Variants in MYBPC3 observed in about 807,000 individuals in gnomAD.
MYBPC3 encodes the protein myosin-binding protein C, cardiac-type.
In MYBPC3, 108 loss-of-function variants were observed where a neutral mutation model predicts 159.3. The observed-to-expected ratio is 0.68, with a 90% CI of 0.58 to 0.80. The LOEUF (loss-of-function observed/expected upper bound fraction) is 0.80. MYBPC3 is among the 30% of genes least tolerant of loss of function. The pLI is 0.00. For missense variants in MYBPC3, 1,631 were observed against 1,762.1 expected, an observed-to-expected ratio of 0.93 and a Z score of 1.33; for synonymous variants, 730 against 702.0, an observed-to-expected ratio of 1.04 and a Z score of -0.63.
At chr11:47,344,296 TC>T (rs2095892148) in intron 12 of MYBPC3, among the ~76,000 whole-genome samples, 1 of 152,082 alleles carries the variant, frequency 6.6e-6, no homozygotes, top group Non-Finnish European at 1.5e-5. Context: ...TCCCAGGCGC[TC>T]CCACCTAGCA....
intron 5 of MYBPC3, among the ~76,000 whole-genome samples, 196 bp downstream of exon 5, chr11:47,349,578 C>T (rs1460561435): frequency 6.6e-6 from 1 of 151,922 alleles, no homozygotes; most frequent in East Asian, 1.9e-4. Context: ...TGAGCCTCAT[C>T]GCACTCCCTG....
At position 47,342,703 on chromosome 11, in the gene MYBPC3, T is replaced by G. The variant is rs761672176; in HGVS notation, c.1499A>C (p.Lys500Thr). 2 of 1,614,006 alleles carry G rather than the reference T, an allele frequency of 1.2e-6. No individual in the cohort carries two copies. Among genetic ancestry groups the G allele is most frequent in the Admixed American group, 3.3e-5 (2 of 60,022 alleles). Residue 500 changes from lysine (K) to threonine (T), a missense_variant, in exon 17 of 35, where the codon AAA becomes ACA. By Grantham distance (78) the Lys-to-Thr change is moderately conservative. Coordinates refer to ENST00000545968, the MANE Select transcript of MYBPC3 (RefSeq NM_000256.3). ...GVELTREETF[K>T]YRFKKDGQRH... ...CTGCCCGTCCTTCTTGAACCGGTAT[T>G]TGAAGGTCTCCTCCCGGGTCAGCTC...
At position 47,348,553 on chromosome 11, in the gene MYBPC3, GA is replaced by G; in HGVS notation, c.655-13del. On this transcript the variant is annotated splice_polypyrimidine_tract_variant and intron_variant, in intron 5 of 34. Coordinates refer to ENST00000545968, the MANE Select transcript of MYBPC3 (RefSeq NM_000256.3). ...TCGAACAGATAGACCTGTGTGCATG[GA>G]GGGACGGGGCGTCAGGGGACACCAG... 2 of 1,600,702 alleles carry G rather than the reference GA, an allele frequency of 1.2e-6. No homozygotes were observed. The highest frequency in any genetic ancestry group is 1.7e-6 in the Non-Finnish European group (2 of 1,171,126).
At position 47,331,456 on chromosome 11, in the gene MYBPC3, A is replaced by C; in HGVS notation, c.*287T>G. The stretch of plus-strand genomic sequence containing the variant: ...TTTTATTGCCCAATAAACATTGGGA[A>C]GACATAGCAGGCCAGAAAGGCCTGT... On this transcript the variant is annotated 3_prime_UTR_variant, in exon 35 of 35. Transcript: ENST00000545968. 1 of 177,416 alleles carries C rather than the reference A, an allele frequency of 5.6e-6. No individual in the cohort carries two copies. The highest frequency in any genetic ancestry group is 1.2e-5 in the Non-Finnish European group (1 of 84,820). 11.0% of individuals were successfully genotyped at this position (177,416 alleles called of 1,614,324 possible).
rs752252090 is a variant in MYBPC3, at chr11:47,333,180, G to C, written c.3330+14C>G. Reference sequence around the variant, plus strand: ...AGGCAGGGTGCACGTGGGGACCCCAGACCCTGGGCTCACCATGGTCTTCTT... The same window carrying C: ...AGGCAGGGTGCACGTGGGGACCCCACACCCTGGGCTCACCATGGTCTTCTT... On this transcript the variant is annotated intron_variant, in intron 30 of 34. Coordinates refer to ENST00000545968, the MANE Select transcript of MYBPC3 (RefSeq NM_000256.3). 6.2e-7 allele frequency: 1 copy of C among 1,600,810 alleles called. No individual in the cohort carries two copies. The highest frequency in any genetic ancestry group is 8.5e-7 in the Non-Finnish European group (1 of 1,173,738).
In MYBPC3 at chr11:47,347,034, G is replaced by A. The variant is rs1300376347; in HGVS notation, c.906-5C>T. The A allele has an allele frequency of 2.5e-6, 2 of 805,852 alleles. No homozygotes were observed. The highest frequency in any genetic ancestry group is 2.7e-5 in the South Asian group (2 of 75,288). The allele number at this position is 805,852 out of a possible 1,614,324, so 49.9% of individuals were successfully genotyped here. ...CCAGACCCCGATTCTTACTCTCTGG[G>A]CCACAGCAGCAGCAGCCATAATGGA... On this transcript the variant is annotated splice_region_variant and splice_polypyrimidine_tract_variant and intron_variant, in intron 9 of 34. Coordinates refer to ENST00000545968, the MANE Select transcript of MYBPC3 (RefSeq NM_000256.3).
chr11:47,334,971 C>G, intron 27 of MYBPC3, 71 bp downstream of exon 27: 3 of 1,404,190 alleles, frequency 2.1e-6, no homozygotes, highest in Non-Finnish European at 2.8e-6. Flanking sequence ...CCAACTGTCC[C>G]CACCTCCACT....
rs1595843781 is a variant in MYBPC3 at position 47,337,584 on chromosome 11, C to G, written c.2414-5G>C. 3 of 1,613,986 alleles carry G rather than the reference C, an allele frequency of 1.9e-6. No individual in the cohort carries two copies. The highest frequency in any genetic ancestry group is 2.5e-6 in the Non-Finnish European group (3 of 1,179,888). ...TCTTGCGCTCCAGGATGTAGCCTGG[C>G]TCAGGGGAGGTGGCAGCTCTGGTCT... On this transcript the variant is annotated splice_polypyrimidine_tract_variant and splice_region_variant and intron_variant, in intron 24 of 34. Coordinates refer to ENST00000545968, the MANE Select transcript of MYBPC3 (RefSeq NM_000256.3).
chr11:47,350,976 G>C (rs926448434), intron 2 of MYBPC3, among the ~76,000 whole-genome samples: 1 of 152,204 alleles, frequency 6.6e-6, no homozygotes, highest in Non-Finnish European at 1.5e-5. Flanking sequence ...TCTCCCCAGG[G>C]AGGTCTGCAG....
chr11:47,342,785 G>A, intron 16 of MYBPC3, 41 bp from the exon 17 acceptor site: 7 of 1,612,652 alleles, frequency 4.3e-6, no homozygotes, highest in Non-Finnish European at 5.9e-6. Context: ...GGCCTCTTCT[G>A]GGCAGATGCC....
rs1003180629 is a variant in MYBPC3 at position 47,331,611 on chromosome 11, C to T, written c.*132G>A. 9.5e-6 allele frequency: 5 copies of T among 524,214 alleles called. No homozygotes were observed. Among genetic ancestry groups the T allele is most frequent in the African/African-American group, 1.9e-5 (1 of 52,366 alleles). The allele number at this position is 524,214 out of a possible 1,614,324, so 32.5% of individuals were successfully genotyped here. A position where few individuals can be genotyped will look rare whatever the true frequency, so the allele number is the denominator to read the frequency against. On this transcript the variant is annotated 3_prime_UTR_variant, in exon 35 of 35. Transcript: ENST00000545968. ...CCCGACAACTGCCCTGCTGATCCCC[C>T]ATCGCAGCACAGGAGACACACTTGT...
rs1301254353 is a variant in MYBPC3 at position 47,342,121 on chromosome 11, G to C, written c.1660C>G (p.Leu554Val). The part of the protein sequence containing the change: ...KLEVYQSIAD[L>V]MVGAKDQAVF... ...GCCTGGTCCTTTGCGCCCACCATCA[G>C]GTCTGCGATGCTCTGGTACACCTCC... The change falls in exon 18 of 35, where the codon CTG (leucine) becomes GTG (valine). Residue 554 changes from leucine (L) to valine (V), a missense_variant. Coordinates refer to ENST00000545968, the MANE Select transcript of MYBPC3 (RefSeq NM_000256.3). The C allele has an allele frequency of 6.2e-7, 1 of 1,614,030 alleles. No individual in the cohort carries two copies. Among genetic ancestry groups the C allele is most frequent in the Admixed American group, 1.7e-5 (1 of 60,024 alleles).
chr11:47,348,663 G>C, intron 5 of MYBPC3, 122 bp from the exon 6 acceptor site: 1 of 658,482 alleles, frequency 1.5e-6, no homozygotes, highest in South Asian at 2.3e-5. Context: ...CCCCACTTTG[G>C]GAGGCTGAGG....
rs148762074 is a variant in MYBPC3 at position 47,336,242 on chromosome 11, C to A, written c.2603-231G>T. The A allele has an allele frequency of 4.5e-5, 15 of 332,674 alleles. No homozygotes were observed. In the East Asian group the frequency reaches 7.3e-4, roughly 16 times the overall value. The allele number at this position is 332,674 out of a possible 1,614,324, so 20.6% of individuals were successfully genotyped here. On this transcript the variant is annotated intron_variant, in intron 25 of 34. Transcript: ENST00000545968. ...GTGGCTCACGCCTGTAATCCCAGCA[C>A]TTTGGGAGGCCGAGGTGGGAGGATC...
intron 20 of MYBPC3, 34 bp downstream of exon 20, chr11:47,340,969 A>G: frequency 6.6e-7 from 1 of 1,524,844 alleles, no homozygotes; most frequent in Non-Finnish European, 8.8e-7. Context: ...CGGGAAAGTG[A>G]GCAGAACCAA....
Position 47,338,454 on chromosome 11 carries a change from G to A in MYBPC3, c.2308+66C>T, listed in dbSNP as rs992866458. The stretch of plus-strand genomic sequence containing the variant: ...ATGTTTGTCGAGTGGCTGAATGAGC[G>A]AACGGATGGGCCCTCCTTGGGGCTG... On this transcript the variant is annotated intron_variant, in intron 23 of 34. Transcript: ENST00000545968. The surrounding 1 kb of genome is among the most constrained non-coding windows in gnomAD (Gnocchi z 4.7). 8 of 1,602,442 alleles carry A rather than the reference G, an allele frequency of 5.0e-6. No individual in the cohort carries two copies. Among genetic ancestry groups the A allele is most frequent in the African/African-American group, 1.3e-5 (1 of 74,752 alleles).
chr11:47,342,449 A>G (rs777082542), intron 17 of MYBPC3, 129 bp downstream of exon 17: 20 of 1,196,852 alleles, frequency 1.7e-5, no homozygotes, highest in Non-Finnish European at 2.0e-5. Flanking sequence ...GATGAGGTTT[A>G]GGCTGTCAAA....
intron 13 of MYBPC3, 80 bp from the exon 14 acceptor site, chr11:47,343,342 C>G: frequency 6.7e-7 from 1 of 1,496,124 alleles, no homozygotes; most frequent in Non-Finnish European, 8.9e-7. Context: ...AGAGAGGGAC[C>G]GGCAGGAGCA....
In MYBPC3 at chr11:47,332,672, G is replaced by A; in HGVS notation, c.3521C>T (p.Ala1174Val). 1 of 1,612,872 alleles carries A rather than the reference G, an allele frequency of 6.2e-7. No homozygotes were observed. Among genetic ancestry groups the A allele is most frequent in the Non-Finnish European group, 8.5e-7 (1 of 1,179,398 alleles). The change falls in exon 32 of 35, where the codon GCC (alanine) becomes GTC (valine). Residue 1174 changes from alanine to valine, a missense_variant. By Grantham distance (64) the Ala-to-Val change is moderately conservative. Transcript: ENST00000545968. The surrounding 1 kb of genome is among the most constrained non-coding windows in gnomAD (Gnocchi z 4.2). ...GCTTGGGGCCTCGGAGAAGTCCAGG[G>A]CCTTATAGTTGGGTGGCTCATAGGT... ...GITYEPPNYK[A>V]LDFSEAPSFT...
Sources: gnomAD v4.1 joint callset for allele counts (sites outside exome capture counted in the v4.1 genomes callset) on GRCh38, gnomAD v4.1.1 for gene constraint, Gnocchi (gnomAD v3.1) non-coding constraint, MANE v1.5 for transcripts, NCBI Gene and HGNC (gene_info 2026-07-23, HGNC 2026-07-21) for gene names.